The following OXR1 variants were observed in gnomAD, a reference collection of about 807,000 sequenced individuals.
OXR1 encodes the protein oxidation resistance protein 1.
OXR1 carries 41 observed loss-of-function variants against 104.6 expected under a neutral mutation model. That is an observed-to-expected ratio of 0.39 (90% CI 0.31 to 0.51). The LOEUF is 0.51. Ranked by LOEUF, OXR1 falls within the 20% of genes least tolerant of loss-of-function variation. OXR1 has a pLI of 0.77. For missense variants in OXR1, 955 were observed against 1,031.9 expected (o/e 0.93, Z 1.02); for synonymous variants, 348 against 348.4 (o/e 1.00, Z 0.01).
intron 2 of OXR1, among the ~76,000 whole-genome samples, chr8:106,436,222 AT>A (rs1346867571): frequency 6.6e-6 from 1 of 152,100 alleles, no homozygotes; most frequent in Non-Finnish European, 1.5e-5. Flanking sequence ...ACCCTTGCAT[AT>A]GTCATTTCTG....
intron 2 of OXR1, among the ~76,000 whole-genome samples, chr8:106,418,354 T>C (rs1818763723): frequency 6.6e-6 from 1 of 152,154 alleles, no homozygotes; most frequent in Non-Finnish European, 1.5e-5. Flanking sequence ...CTCCTTTCTG[T>C]ATATTTCATG....
intron 16 of OXR1, among the ~76,000 whole-genome samples, chr8:106,749,985 T>G (rs1477650453): frequency 6.6e-6 from 1 of 152,074 alleles, no homozygotes; most frequent in Non-Finnish European, 1.5e-5. Context: ...TAAAGTCCTT[T>G]CAAACTGAGC....
At chr8:106,294,130 T>C (rs748516302) in intron 1 of OXR1, among the ~76,000 whole-genome samples, 1 of 151,956 alleles carries the variant, frequency 6.6e-6, no homozygotes, top group Non-Finnish European at 1.5e-5. Flanking sequence ...GGCTTAAATG[T>C]CTGTAGTCCC....
At chr8:106,285,862 T>G (rs1434919270) in intron 1 of OXR1, among the ~76,000 whole-genome samples, 2 of 152,258 alleles carry the variant, frequency 1.3e-5, no homozygotes, top group Non-Finnish European at 2.9e-5. Context: ...ACTGTACTTC[T>G]GTGAATGTGT....
intron 2 of OXR1, among the ~76,000 whole-genome samples, chr8:106,438,294 T>G (rs771116823): frequency 3.3e-5 from 5 of 152,112 alleles, no homozygotes; most frequent in Non-Finnish European, 7.4e-5. Flanking sequence ...AATGGTTATA[T>G]CTACCTATGT....
intron 2 of OXR1, among the ~76,000 whole-genome samples, chr8:106,422,214 A>G (rs1309997984): frequency 6.6e-6 from 1 of 152,096 alleles, no homozygotes; most frequent in Non-Finnish European, 1.5e-5. Context: ...CTGGCTGAAA[A>G]TTAAGGAGGA....
chr8:106,452,803 A>G (rs1481729572), intron 2 of OXR1, among the ~76,000 whole-genome samples: 1 of 152,134 alleles, frequency 6.6e-6, no homozygotes, highest in Non-Finnish European at 1.5e-5. Flanking sequence ...AATCCAATTT[A>G]CAGTACATTT....
intron 7 of OXR1, among the ~76,000 whole-genome samples, chr8:106,694,856 T>G (rs1829780153): frequency 9.3e-6 from 1 of 107,848 alleles, no homozygotes; most frequent in Non-Finnish European, 1.8e-5. Context: ...ATTTAATATA[T>G]AAATACATTT....
intron 2 of OXR1, among the ~76,000 whole-genome samples, chr8:106,497,797 TGTGTGTGTGCACACGC>T (rs1191346326): frequency 1.4e-5 from 2 of 145,728 alleles, no homozygotes; most frequent in African/African-American, 2.7e-5. Context: ...TATGTGTGTG[TGTGTGTGTGCACACGC>T]GTGTGTGTGT....
At chr8:106,750,488 G>C (rs1207058945) in intron 16 of OXR1, among the ~76,000 whole-genome samples, 1 of 151,884 alleles carries the variant, frequency 6.6e-6, no homozygotes, top group Non-Finnish European at 1.5e-5. Flanking sequence ...ACCGCGCCTG[G>C]CTAATTTTTT....
chr8:106,711,084 C>T (rs886999407), intron 10 of OXR1, among the ~76,000 whole-genome samples: 1 of 152,210 alleles, frequency 6.6e-6, no homozygotes, highest in East Asian at 1.9e-4. Flanking sequence ...GATATAGCTC[C>T]TTCCTGAAGG....
chr8:106,672,303 C>T (rs3102431), intron 3 of OXR1, among the ~76,000 whole-genome samples: 35,552 of 148,908 alleles, frequency 0.24, 4,717 homozygotes, highest in African/African-American at 0.35. Flanking sequence ...TATAGTGAAA[C>T]TCTGTCTCTA....
intron 3 of OXR1, among the ~76,000 whole-genome samples, chr8:106,651,438 C>T (rs1035400673): frequency 1.1e-4 from 16 of 152,180 alleles, no homozygotes; most frequent in African/African-American, 2.2e-4. Flanking sequence ...TTTCTGTCCA[C>T]GGTGTGAGGT....
chr8:106,443,183 G>A (rs1298050990), intron 2 of OXR1, among the ~76,000 whole-genome samples: 1 of 152,116 alleles, frequency 6.6e-6, no homozygotes, highest in Non-Finnish European at 1.5e-5. Flanking sequence ...TCAGGAACAC[G>A]TTGTTCAATT....
At chr8:106,407,997 T>C (rs1042662274) in intron 2 of OXR1, among the ~76,000 whole-genome samples, 10 of 152,292 alleles carry the variant, frequency 6.6e-5, no homozygotes, top group African/African-American at 2.4e-4. Flanking sequence ...TTTTGCTCTC[T>C]AGGAGAAATA....
At position 106,370,832 on chromosome 8, in the gene OXR1, C is replaced by T. The variant is rs375283742; in HGVS notation, c.23+11196C>T. On this transcript the variant is annotated intron_variant, in intron 2 of 16. Coordinates refer to ENST00000517566, the MANE Select transcript of OXR1 (RefSeq NM_001198533.2). ...TATTGAGAATTTTCCCATCCATGTT[C>T]ATCAGGGATATTGTCCTGATGTTTT... is the stretch of plus-strand genomic sequence containing the variant. 2.6e-5 allele frequency among the ~76,000 whole-genome samples: 4 copies of T among 152,300 alleles called. 1 individual carries two copies. Among genetic ancestry groups the T allele is most frequent in the African/African-American group, 9.6e-5 (4 of 41,560 alleles).
chr8:106,690,801 A>C (rs77848465), intron 6 of OXR1, among the ~76,000 whole-genome samples: 3 of 151,922 alleles, frequency 2.0e-5, no homozygotes, highest in Non-Finnish European at 2.9e-5. Context: ...CACTGCTTCA[A>C]AAGTAAATGT....
intron 2 of OXR1, among the ~76,000 whole-genome samples, chr8:106,515,104 G>C (rs551957212): frequency 4.6e-5 from 7 of 152,118 alleles, no homozygotes; most frequent in Non-Finnish European, 8.8e-5. Flanking sequence ...CTTGGCGTGT[G>C]TAAGTGTGCT....
chr8:106,645,222 A>C (rs1823976616), intron 3 of OXR1, among the ~76,000 whole-genome samples: 1 of 152,182 alleles, frequency 6.6e-6, no homozygotes, highest in Admixed American at 6.5e-5. Context: ...TATATTTAAG[A>C]ATCTTATCCC....
Sources: gnomAD v4.1 joint callset for allele counts (sites outside exome capture counted in the v4.1 genomes callset) on GRCh38, gnomAD v4.1.1 for gene constraint, MANE v1.5 for transcripts, NCBI Gene and HGNC (gene_info 2026-07-23, HGNC 2026-07-21) for gene names.